The following WAC variants were observed in gnomAD, a reference collection of about 807,000 sequenced individuals.
The protein encoded by WAC is WW domain containing adaptor with coiled-coil.
In WAC, 11 loss-of-function variants were observed where a neutral mutation model predicts 79.6. The ratio of observed to expected loss-of-function variants is 0.14; its 90% CI spans 0.09 to 0.23. The LOEUF is 0.23. Among genes scored for constraint, WAC ranks in the 10% least tolerant of loss-of-function variants. The pLI is 1.00. For synonymous variants in WAC, 304 were observed against 276.9 expected (o/e 1.10, Z -0.97); for missense variants, 728 against 773.5 (o/e 0.94, Z 0.70).
chr10:28,567,868 CTCCAGCCTCCCAA>C (rs1427711365), intron 3 of WAC, among the ~76,000 whole-genome samples: 3 of 152,068 alleles, frequency 2.0e-5, no homozygotes. Context: ...GATCCTCCCA[CTCCAGCCTCCCAA>C]GTAGCTGAGA....
Position 28,582,761 on chromosome 10 carries a change from C to T in WAC, c.275-638C>T, listed in dbSNP as rs199604111. On this transcript the variant is annotated intron_variant, in intron 3 of 13. Transcript: ENST00000354911. ...AGCAAGAGAAACTTTTTTCTGTGGT[C>T]ACTGACATATACAGATTTTCATAAA... Among the ~76,000 whole-genome samples, 10 of 152,110 alleles carry T rather than the reference C, an allele frequency of 6.6e-5. No homozygotes were observed. The East Asian group carries it at 1.7e-3, about 26-fold the overall frequency.
chr10:28,536,483 T>C (rs1836682618), intron 3 of WAC, among the ~76,000 whole-genome samples: 1 of 152,226 alleles, frequency 6.6e-6, no homozygotes, highest in African/African-American at 2.4e-5. Flanking sequence ...AAAAACTCAT[T>C]ATGTTTTTTC....
rs1839996848 is a variant in WAC, at chr10:28,589,769, A to G, written c.415A>G (p.Ile139Val). ...TTCTGCAGATGACTGGTCTGAGCAT[A>G]TTAGCTCTTCTGGGAAAAAGTACTA... Reference protein sequence around the residue: ...YDSADDWSEHISSSGKKYYYN... With the variant: ...YDSADDWSEHVSSSGKKYYYN... Residue 139 changes from isoleucine to valine, a missense_variant, in exon 5 of 14, where the codon ATT becomes GTT. By Grantham distance (29) the Ile-to-Val change is conservative (BLOSUM62 3). Around this residue, in one of 3 missense-constraint regions of WAC, gnomAD observed 648 missense variants for 661.5 expected, o/e 0.98. Coordinates refer to ENST00000354911, the MANE Select transcript of WAC (RefSeq NM_016628.5). 1 of 1,613,756 alleles carries G rather than the reference A, an allele frequency of 6.2e-7. No homozygotes were observed. The highest frequency in any genetic ancestry group is 8.5e-7 in the Non-Finnish European group (1 of 1,179,808).
rs368630275 is a variant in WAC, at chr10:28,592,834, A to G, written c.610+2002A>G. On this transcript the variant is annotated intron_variant, in intron 6 of 13. Transcript: ENST00000354911. ...AATTACATATGTATGTATTTGAAAA[A>G]TGGGATTCTGTGTTGCTGTTTTTTA... 1.5e-4 allele frequency among the ~76,000 whole-genome samples: 23 copies of G among 152,314 alleles called. No individual in the cohort carries two copies. The East Asian group carries it at 3.9e-3, about 26-fold the overall frequency.
At chr10:28,557,526 C>T (rs2132463850) in intron 3 of WAC, among the ~76,000 whole-genome samples, 1 of 152,042 alleles carries the variant, frequency 6.6e-6, no homozygotes, top group East Asian at 1.9e-4. Context: ...GACCTTGTCT[C>T]TACAAAAATT....
intron 3 of WAC, among the ~76,000 whole-genome samples, chr10:28,536,284 A>G (rs1836668098): frequency 6.6e-6 from 1 of 151,516 alleles, no homozygotes; most frequent in Admixed American, 6.6e-5. Context: ...TTTAATAATA[A>G]GGGAATGCAT....
chr10:28,564,652 T>G (rs1236611338), intron 3 of WAC, among the ~76,000 whole-genome samples: 1 of 152,222 alleles, frequency 6.6e-6, no homozygotes, highest in African/African-American at 2.4e-5. Context: ...TAGCTAGTTT[T>G]TTAGGGGAAG....
At chr10:28,553,536 T>C (rs1230156846) in intron 3 of WAC, among the ~76,000 whole-genome samples, 1 of 152,196 alleles carries the variant, frequency 6.6e-6, no homozygotes, top group Non-Finnish European at 1.5e-5. Context: ...TGTATGGCTT[T>C]TTCTTTTTCC....
At chr10:28,599,187 G>C (rs550885261) in intron 7 of WAC, among the ~76,000 whole-genome samples, 1 of 152,224 alleles carries the variant, frequency 6.6e-6, no homozygotes, top group African/African-American at 2.4e-5. Context: ...AGTAAAATTA[G>C]TGATTTTACT....
At chr10:28,576,525 G>T (rs934783582) in intron 3 of WAC, among the ~76,000 whole-genome samples, 1 of 152,158 alleles carries the variant, frequency 6.6e-6, no homozygotes, top group African/African-American at 2.4e-5. Flanking sequence ...TCCAAAAAAT[G>T]ACCTTATTAT....
chr10:28,603,950 T>A (rs1279476181), intron 7 of WAC, among the ~76,000 whole-genome samples: 38,180 of 57,372 alleles, frequency 0.67, 11,362 homozygotes, highest in East Asian at 0.75. Flanking sequence ...AAAATATATA[T>A]ATGTATGTAT....
intron 3 of WAC, among the ~76,000 whole-genome samples, chr10:28,556,387 A>ATTTTTTTTTTTT (rs1837988827): frequency 3.3e-5 from 1 of 29,966 alleles, no homozygotes; most frequent in African/African-American, 8.9e-5. Context: ...TTGCCCATTA[A>ATTTTTTTTTTTT]ATTTTTTTTT....
At chr10:28,572,054 G>C (rs1299017304) in intron 3 of WAC, among the ~76,000 whole-genome samples, 1 of 152,094 alleles carries the variant, frequency 6.6e-6, no homozygotes, top group Non-Finnish European at 1.5e-5. Context: ...AAAAGCAGCT[G>C]TTGTCCAGGC....
intron 3 of WAC, among the ~76,000 whole-genome samples, chr10:28,565,103 G>A (rs539942069): frequency 7.1e-3 from 236 of 33,350 alleles, no homozygotes; most frequent in African/African-American, 0.054. Flanking sequence ...CTTTTGAAAT[G>A]TGCTTTTTTT....
At chr10:28,561,289 G>A (rs1185908950) in intron 3 of WAC, among the ~76,000 whole-genome samples, 1 of 152,094 alleles carries the variant, frequency 6.6e-6, no homozygotes, top group Non-Finnish European at 1.5e-5. Flanking sequence ...CTGGGTACTC[G>A]CCACTCAATT....
chr10:28,551,425 TA>T (rs1227692203), intron 3 of WAC, among the ~76,000 whole-genome samples: 1 of 152,242 alleles, frequency 6.6e-6, no homozygotes, highest in Non-Finnish European at 1.5e-5. Flanking sequence ...CTTTTACAAG[TA>T]AACCGATTGA....
chr10:28,563,498 T>C (rs1438240240), intron 3 of WAC, among the ~76,000 whole-genome samples: 1 of 152,212 alleles, frequency 6.6e-6, no homozygotes, highest in African/African-American at 2.4e-5. Flanking sequence ...TTTAGTCTTT[T>C]TGGTTCTTCA....
chr10:28,589,697 G>T lies in WAC; in HGVS notation c.382-39G>T, dbSNP rs747035942. The T allele has an allele frequency of 2.3e-6, 3 of 1,325,666 alleles. 1 individual carries two copies. In the South Asian group the frequency reaches 3.7e-5, roughly 17 times the overall value. 82.1% of individuals were successfully genotyped at this position (1,325,666 alleles called of 1,614,324 possible). ...TGTTGATATTTCATGTGATTAAATA[G>T]TATTAACATTTTCTAATTGTAAAAA... On this transcript the variant is annotated intron_variant, in intron 4 of 13. Transcript: ENST00000354911.
chr10:28,551,784 TTGTGTGTGTGTGTGTGTG>T (rs71769370), intron 3 of WAC, among the ~76,000 whole-genome samples: 1 of 124,814 alleles, frequency 8.0e-6, no homozygotes, highest in Admixed American at 9.1e-5. Context: ...TCCTGTCTAC[TTGTGTGTGTGTGTGTGTG>T]TGTGTGTGTG....
Sources: allele counts gnomAD v4.1 joint callset (sites outside exome capture counted in the v4.1 genomes callset), GRCh38; gene constraint gnomAD v4.1.1; regional missense constraint gnomAD v4.1.1; transcripts MANE v1.5; gene names NCBI Gene and HGNC (gene_info 2026-07-23, HGNC 2026-07-21).